The following NFS1 variants were observed in gnomAD, a reference collection of about 807,000 sequenced individuals.
NFS1 encodes NFS1 cysteine desulfurase.
Under a neutral mutation model 57.3 loss-of-function variants are expected in NFS1, and 26 were observed. The ratio of observed to expected loss-of-function variants is 0.45; its 90% CI spans 0.33 to 0.63. The LOEUF is 0.63. Among genes scored for constraint, NFS1 ranks in the 20% least tolerant of loss-of-function variants. The probability of loss-of-function intolerance (pLI) is 0.02; values close to 1 mark genes in which losing one functional copy is unlikely to be tolerated. For missense variants in NFS1, 505 were observed against 605.8 expected (o/e 0.83, Z 1.75); for synonymous variants, 209 against 216.3 (o/e 0.97, Z 0.30).
chr20:35,699,041 C>A lies in NFS1; in HGVS notation c.97+151G>T, dbSNP rs918321338. On this transcript the variant is annotated intron_variant, in intron 1 of 12. Transcript: ENST00000374092. The surrounding 1 kb of genome is among the most constrained non-coding windows in gnomAD (Gnocchi z 4.4). ...GCGCCGGGGTCAACCGTTCGGGGAC[C>A]CGCCTAAGAAAGTTTGAGGGATGTG... is the stretch of plus-strand genomic sequence containing the variant. 3.0e-6 allele frequency: 4 copies of A among 1,319,402 alleles called. No homozygotes were observed. Among genetic ancestry groups the A allele is most frequent in the Non-Finnish European group, 2.9e-6 (3 of 1,037,320 alleles). The allele number at this position is 1,319,402 out of a possible 1,614,324, so 81.7% of individuals were successfully genotyped here. A position where few individuals can be genotyped will look rare whatever the true frequency, so the allele number is the denominator to read the frequency against.
At chr20:35,682,428 T>C (rs2034863456) in intron 5 of NFS1, among the ~76,000 whole-genome samples, 1 of 152,126 alleles carries the variant, frequency 6.6e-6, no homozygotes, top group South Asian at 2.1e-4. Context: ...TACTTATCAA[T>C]CAAAAGGAAC....
chr20:35,692,396 AATT>A (rs1420928720), intron 4 of NFS1: 2 of 180,814 alleles, frequency 1.1e-5, no homozygotes, highest in Non-Finnish European at 2.2e-5. Flanking sequence ...TAAATTAATT[AATT>A]AAAAAAAAAA....
chr20:35,686,304 C>G, intron 5 of NFS1, among the ~76,000 whole-genome samples: 1 of 139,392 alleles, frequency 7.2e-6, no homozygotes, highest in African/African-American at 2.7e-5. Context: ...GAGCAGAGAG[C>G]ATGCCATTGC....
chr20:35,669,576 T>C lies in NFS1; in HGVS notation c.*46A>G. 3 of 1,579,252 alleles carry C rather than the reference T, an allele frequency of 1.9e-6. No individual in the cohort carries two copies. Among genetic ancestry groups the C allele is most frequent in the Non-Finnish European group, 2.6e-6 (3 of 1,148,318 alleles). The stretch of plus-strand genomic sequence containing the variant: ...AGGTGTCTGGTTGTGCACGGGTTGG[T>C]GAGGCAGGAGGGGCCAGACCAGCAC... On this transcript the variant is annotated 3_prime_UTR_variant, in exon 13 of 13. Transcript: ENST00000374092.
intron 5 of NFS1, among the ~76,000 whole-genome samples, chr20:35,683,114 A>C (rs534350542): frequency 2.6e-5 from 4 of 151,854 alleles, no homozygotes; most frequent in African/African-American, 9.7e-5. Context: ...AAACAAAAAC[A>C]AAAATAAAAA....
chr20:35,674,623 G>C lies in NFS1; in HGVS notation c.949-6C>G, dbSNP rs772805776. On this transcript the variant is annotated splice_polypyrimidine_tract_variant and splice_region_variant and intron_variant, in intron 8 of 12. Coordinates refer to ENST00000374092, the MANE Select transcript of NFS1 (RefSeq NM_021100.5). ...GAGATTCGCTTGTGGTCATACTAAG[G>C]AGCAGGCAAGGAAGGATTAGGCAGT... The C allele has an allele frequency of 1.9e-6, 3 of 1,609,792 alleles. No individual in the cohort carries two copies. The highest frequency in any genetic ancestry group is 2.6e-6 in the Non-Finnish European group (3 of 1,176,122).
chr20:35,670,209 C>A (rs2046901555), intron 12 of NFS1, among the ~76,000 whole-genome samples: 1 of 152,124 alleles, frequency 6.6e-6, no homozygotes, highest in South Asian at 2.1e-4. Flanking sequence ...TATGCTGTAC[C>A]CTTACCCAGT....
rs1029017655 is a variant in NFS1 at position 35,669,163 on chromosome 20, T to C, written c.*459A>G. On this transcript the variant is annotated 3_prime_UTR_variant, in exon 13 of 13. Coordinates refer to ENST00000374092, the MANE Select transcript of NFS1 (RefSeq NM_021100.5). Reference sequence around the variant, plus strand: ...TCTGTCTGCAGTCAATATGAAGAGATAGCCTTTGGAGCTACAGAAAATATT... The same window carrying C: ...TCTGTCTGCAGTCAATATGAAGAGACAGCCTTTGGAGCTACAGAAAATATT... 1 of 154,048 alleles carries C rather than the reference T, an allele frequency of 6.5e-6. No homozygotes were observed. Among genetic ancestry groups the C allele is most frequent in the Non-Finnish European group, 1.4e-5 (1 of 69,262 alleles). 9.5% of individuals were successfully genotyped at this position (154,048 alleles called of 1,614,324 possible).
At chr20:35,670,038 C>A (rs1392048974) in intron 12 of NFS1, among the ~76,000 whole-genome samples, 2 of 152,204 alleles carry the variant, frequency 1.3e-5, no homozygotes, top group African/African-American at 4.8e-5. Context: ...GGAACCAAGA[C>A]CCTTGAGACT....
rs572793298 is a variant in NFS1 at position 35,680,198 on chromosome 20, G to A, written c.790+539C>T. ...CAGGCGCCTGTAGTCCCAGCTACTC[G>A]GCAGGCTGAGGCAGAAGAATGGCGT... On this transcript the variant is annotated intron_variant, in intron 7 of 12. Coordinates refer to ENST00000374092, the MANE Select transcript of NFS1 (RefSeq NM_021100.5). Among the ~76,000 whole-genome samples the A allele has an allele frequency of 1.7e-3, 258 of 152,222 alleles. 4 individuals carry two copies. The highest frequency in any genetic ancestry group is 0.015 in the Admixed American group (230 of 15,290).
chr20:35,674,903 G>T, intron 8 of NFS1, 142 bp downstream of exon 8: 2 of 1,127,294 alleles, frequency 1.8e-6, no homozygotes, highest in South Asian at 2.7e-5. Flanking sequence ...TCAGAACAAG[G>T]TGCCAGCAGC....
At chr20:35,685,248 G>C (rs76142776) in intron 5 of NFS1, among the ~76,000 whole-genome samples, 1 of 151,706 alleles carries the variant, frequency 6.6e-6, no homozygotes, top group African/African-American at 2.4e-5. Context: ...CATAGCCTGC[G>C]CCTATAGTTC....
chr20:35,687,489 C>G (rs1272620128), intron 5 of NFS1, among the ~76,000 whole-genome samples: 1 of 152,098 alleles, frequency 6.6e-6, no homozygotes, highest in East Asian at 1.9e-4. Flanking sequence ...GACACGTGAC[C>G]CACGTGACCT....
Position 35,698,944 on chromosome 20 carries a change from TTG to T in NFS1, c.97+246_97+247del, listed in dbSNP as rs147579341. On this transcript the variant is annotated intron_variant, in intron 1 of 12. Transcript: ENST00000374092. ...GGGAGCCCGGAGCAGCATCTGTAACTTGGCCAGGAGCGGTCTGAAGGACGCGC... is the reference window on the plus strand; with the variant it reads ...GGGAGCCCGGAGCAGCATCTGTAACTGCCAGGAGCGGTCTGAAGGACGCGC... The T allele has an allele frequency of 1.9e-3, 2,535 of 1,311,092 alleles. 35 individuals are homozygous for T. The African/African-American group carries it at 0.035, about 18-fold the overall frequency. 81.2% of individuals were successfully genotyped at this position (1,311,092 alleles called of 1,614,324 possible).
intron 12 of NFS1, 149 bp downstream of exon 12, chr20:35,672,606 A>C: frequency 1.5e-6 from 1 of 660,640 alleles, no homozygotes; most frequent in Non-Finnish European, 2.7e-6. Context: ...AGCCAAGAAG[A>C]TCTACTTTCT....
At chr20:35,680,970 G>C in intron 6 of NFS1, 99 bp from the exon 7 acceptor site, 1 of 1,055,912 alleles carries the variant, frequency 9.5e-7, no homozygotes. Context: ...TAAATGACCT[G>C]TAAATATTAA....
At chr20:35,676,625 G>C (rs1462236333) in intron 7 of NFS1, among the ~76,000 whole-genome samples, 1 of 151,542 alleles carries the variant, frequency 6.6e-6, no homozygotes, top group Non-Finnish European at 1.5e-5. Flanking sequence ...ATGAAAGATT[G>C]AAACAGTGAG....
intron 4 of NFS1, among the ~76,000 whole-genome samples, chr20:35,691,437 T>G (rs576273175): frequency 2.0e-5 from 3 of 149,312 alleles, no homozygotes; most frequent in Admixed American, 6.7e-5. Context: ...AACATTTATC[T>G]CATTGAAGAA....
rs919484724 is a variant in NFS1 at position 35,690,707 on chromosome 20, C to T, written c.409-142G>A. The T allele has an allele frequency of 7.4e-6, 6 of 812,576 alleles. No homozygotes were observed. The African/African-American group carries it at 1.0e-4, about 14-fold the overall frequency. 50.3% of individuals were successfully genotyped at this position (812,576 alleles called of 1,614,324 possible). ...CATACCAACTGAGTATCCTATAATTCAATTCTGAGGCTAACTCTCCAGACT... is the reference window on the plus strand; with the variant it reads ...CATACCAACTGAGTATCCTATAATTTAATTCTGAGGCTAACTCTCCAGACT... On this transcript the variant is annotated intron_variant, in intron 4 of 12. Coordinates refer to ENST00000374092, the MANE Select transcript of NFS1 (RefSeq NM_021100.5).
Sources: gnomAD v4.1 joint callset for allele counts (sites outside exome capture counted in the v4.1 genomes callset) on GRCh38, gnomAD v4.1.1 for gene constraint, Gnocchi (gnomAD v3.1) non-coding constraint, MANE v1.5 for transcripts, NCBI Gene and HGNC (gene_info 2026-07-23, HGNC 2026-07-21) for gene names.